The following CALN1 variants were observed in gnomAD, a reference collection of about 807,000 sequenced individuals.
CALN1 encodes calcium-binding protein 8.
In CALN1, 17 loss-of-function variants were observed where a neutral mutation model predicts 30.6. That is an observed-to-expected ratio of 0.56 (90% CI 0.38 to 0.83). CALN1 has a LOEUF of 0.83. Ranked by LOEUF, CALN1 falls within the 40% of genes least tolerant of loss-of-function variation. The probability of loss-of-function intolerance (pLI) is 0.00; values close to 1 mark genes in which losing one functional copy is unlikely to be tolerated. For synonymous variants in CALN1, 156 were observed against 131.4 expected, an observed-to-expected ratio of 1.19 and a Z score of -1.28; for missense variants, 291 against 354.9, an observed-to-expected ratio of 0.82 and a Z score of 1.45.
intron 3 of CALN1, among the ~76,000 whole-genome samples, chr7:72,236,079 C>CAAAA (rs11299009): frequency 8.4e-6 from 1 of 118,558 alleles, no homozygotes; most frequent in African/African-American, 3.1e-5. Context: ...CCATTCTCCA[C>CAAAA]AAAAAAAAAA....
intron 2 of CALN1, among the ~76,000 whole-genome samples, chr7:72,306,943 T>G (rs1316669559): frequency 6.6e-6 from 1 of 152,118 alleles, no homozygotes; most frequent in Non-Finnish European, 1.5e-5. Context: ...AAACCCCATC[T>G]CCAGATAGCA....
intron 3 of CALN1, among the ~76,000 whole-genome samples, chr7:72,197,506 C>T (rs1033609770): frequency 6.6e-5 from 10 of 151,994 alleles, no homozygotes; most frequent in African/African-American, 2.2e-4. Flanking sequence ...GGCTGGTTTG[C>T]TTCTTTAGGC....
chr7:72,205,733 A>C (rs1791830042), intron 3 of CALN1, among the ~76,000 whole-genome samples: 1 of 151,172 alleles, frequency 6.6e-6, no homozygotes, highest in Non-Finnish European at 1.5e-5. Context: ...TTTGGGGTTA[A>C]ACTTGAAAAA....
In CALN1 at chr7:71,970,339, C is replaced by T. The variant is rs79065717; in HGVS notation, c.501+53318G>A. 3.4e-4 allele frequency among the ~76,000 whole-genome samples: 52 copies of T among 152,272 alleles called. No homozygotes were observed. The East Asian group carries it at 5.2e-3, about 15-fold the overall frequency. ...AAGACTTAACAGTTACTTAATCCTGCGAGAAAACAGTACCCTTCTGATATG... is the reference window on the plus strand; with the variant it reads ...AAGACTTAACAGTTACTTAATCCTGTGAGAAAACAGTACCCTTCTGATATG... On this transcript the variant is annotated intron_variant, in intron 5 of 6. Transcript: ENST00000395275.
intron 1 of CALN1, among the ~76,000 whole-genome samples, chr7:72,407,408 C>T (rs1486453241): frequency 6.6e-6 from 1 of 152,178 alleles, no homozygotes; most frequent in Admixed American, 6.5e-5. Flanking sequence ...GGAGGTGGGG[C>T]CTGGTAACAG....
intron 5 of CALN1, among the ~76,000 whole-genome samples, chr7:71,923,935 G>T (rs1795117749): frequency 6.6e-6 from 1 of 152,098 alleles, no homozygotes; most frequent in Non-Finnish European, 1.5e-5. Context: ...GCTCACACTT[G>T]TAATTCCAGC....
intron 4 of CALN1, among the ~76,000 whole-genome samples, chr7:72,063,193 C>T (rs527874735): frequency 3.2e-4 from 48 of 152,188 alleles, no homozygotes; most frequent in African/African-American, 1.0e-3. Context: ...TGAATTTACA[C>T]GTGTTAAAAT....
intron 5 of CALN1, among the ~76,000 whole-genome samples, chr7:71,812,929 C>CATCATCATCATTATT (rs1287091997): frequency 0.025 from 3,449 of 136,414 alleles, 70 homozygotes; most frequent in Non-Finnish European, 0.038. Context: ...TCATCATCAT[C>CATCATCATCATTATT]ATTATTATTA....
chr7:72,114,744 C>T lies in CALN1; in HGVS notation c.245-8450G>A, dbSNP rs146128055. Among the ~76,000 whole-genome samples, 647 of 151,812 alleles carry T rather than the reference C, an allele frequency of 4.3e-3. 5 individuals are homozygous for T. Among genetic ancestry groups the T allele is most frequent in the African/African-American group, 0.014 (589 of 41,426 alleles). On this transcript the variant is annotated intron_variant, in intron 3 of 6. Transcript: ENST00000395275. ...CATGGCGGCTCATGCCTGTAATCCC[C>T]ACACTTTGGGAAGCCGAGGTGGGCA...
At chr7:72,386,326 C>A (rs1390029642) in intron 2 of CALN1, among the ~76,000 whole-genome samples, 1 of 152,114 alleles carries the variant, frequency 6.6e-6, no homozygotes, top group Non-Finnish European at 1.5e-5. Flanking sequence ...TGGTATGACA[C>A]AAACTCACTG....
chr7:72,051,219 AAT>A lies in CALN1; in HGVS notation c.389-27452_389-27451del, dbSNP rs1802817765. On this transcript the variant is annotated intron_variant, in intron 4 of 6. Transcript: ENST00000395275. ...AGAGAGTTATTTGAGAAAACTATAAAATATATGAATGATTGACAAATCGAATC... is the reference window on the plus strand; with the variant it reads ...AGAGAGTTATTTGAGAAAACTATAAAATATGAATGATTGACAAATCGAATC... 2.0e-5 allele frequency among the ~76,000 whole-genome samples: 3 copies of A among 151,912 alleles called. No individual in the cohort carries two copies. The South Asian group carries it at 6.2e-4, about 31-fold the overall frequency.
chr7:72,223,076 A>G (rs1192066210), intron 3 of CALN1, among the ~76,000 whole-genome samples: 1 of 152,220 alleles, frequency 6.6e-6, no homozygotes, highest in African/African-American at 2.4e-5. Context: ...GGTGAGCTAC[A>G]GGCTCCTGTT....
chr7:71,918,631 GAAGCA>G (rs1794794971), intron 5 of CALN1, among the ~76,000 whole-genome samples: 1 of 152,172 alleles, frequency 6.6e-6, no homozygotes. Flanking sequence ...GACAGTGTGG[GAAGCA>G]AAGACCCCCT....
chr7:71,955,858 G>A (rs1326805127), intron 5 of CALN1, among the ~76,000 whole-genome samples: 3 of 152,014 alleles, frequency 2.0e-5, no homozygotes, highest in Non-Finnish European at 4.4e-5. Context: ...TACTCTAAGA[G>A]GGCTTGAGGG....
intron 5 of CALN1, among the ~76,000 whole-genome samples, chr7:71,950,761 T>C (rs886128160): frequency 2.6e-5 from 4 of 152,208 alleles, no homozygotes; most frequent in African/African-American, 4.8e-5. Context: ...ACTGCACATC[T>C]GGCACCAGCC....
At chr7:71,972,511 G>T (rs1281503640) in intron 5 of CALN1, among the ~76,000 whole-genome samples, 1 of 152,014 alleles carries the variant, frequency 6.6e-6, no homozygotes, top group East Asian at 1.9e-4. Context: ...CAGGCAGAAA[G>T]AACAGACCTA....
intron 3 of CALN1, among the ~76,000 whole-genome samples, chr7:72,147,626 C>T (rs1563098046): frequency 6.6e-6 from 1 of 152,004 alleles, no homozygotes; most frequent in African/African-American, 2.4e-5. Flanking sequence ...ATAAATCATG[C>T]TACTATAAAG....
upstream of CALN1, among the ~76,000 whole-genome samples, chr7:72,448,606 G>A (rs1808592227): frequency 6.6e-6 from 1 of 151,614 alleles, no homozygotes; most frequent in Non-Finnish European, 1.5e-5. Flanking sequence ...GTGGCACCTT[G>A]CGTGATCTTT....
intron 4 of CALN1, among the ~76,000 whole-genome samples, chr7:72,047,792 G>A (rs1049428245): frequency 6.6e-6 from 1 of 152,140 alleles, no homozygotes; most frequent in Non-Finnish European, 1.5e-5. Context: ...CAGTGAACAG[G>A]GGGCATGTGG....
Sources: allele counts gnomAD v4.1 joint callset (sites outside exome capture counted in the v4.1 genomes callset), GRCh38; gene constraint gnomAD v4.1.1; transcripts MANE v1.5; gene names NCBI Gene and HGNC (gene_info 2026-07-23, HGNC 2026-07-21).